GARIN2: variants seen among roughly 807,000 people sequenced by gnomAD.
GARIN2 encodes the protein golgi associated RAB2 interactor family member 2.
chr14:67,227,706 T>G, the GARIN2 span: 1 of 152,146 alleles, frequency 6.6e-6, no homozygotes, highest in African/African-American at 2.4e-5. Context: ...ACAGCACAGA[T>G]TAAGAACTTG....
At chr14:67,208,525 T>C in the GARIN2 span, 4 of 1,442,850 alleles carry the variant, frequency 2.8e-6, no homozygotes, top group East Asian at 7.0e-5. Flanking sequence ...TTTAGTCTCT[T>C]AACTCAGGCA....
chr14:67,217,371 A>G, the GARIN2 span, among the ~76,000 whole-genome samples: 8 of 152,292 alleles, frequency 5.3e-5, no homozygotes, highest in South Asian at 1.7e-3. Flanking sequence ...CAGCCAGTCT[A>G]TATCTTTTAA....
At chr14:67,200,362 A>G in the GARIN2 span, 1 of 630,288 alleles carries the variant, frequency 1.6e-6, no homozygotes, top group Admixed American at 3.2e-5. Flanking sequence ...ACATCTTCCC[A>G]ATATCTTTTC....
chr14:67,212,913 T>C, the GARIN2 span, among the ~76,000 whole-genome samples: 1 of 151,064 alleles, frequency 6.6e-6, no homozygotes, highest in East Asian at 1.9e-4. Context: ...ATTCAAAGTG[T>C]TGGTTCTTGG....
the GARIN2 span, among the ~76,000 whole-genome samples, chr14:67,196,360 G>A: frequency 3.7e-4 from 56 of 152,126 alleles, no homozygotes; most frequent in Non-Finnish European, 5.6e-4. Context: ...GGGATTACAG[G>A]CACCTGTCAC....
the GARIN2 span, chr14:67,204,993 C>T: frequency 7.0e-6 from 11 of 1,565,760 alleles, no homozygotes; most frequent in South Asian, 1.0e-4. Context: ...TCAGAGAAGC[C>T]ACGGAAGTCA....
At chr14:67,216,085 C>A in the GARIN2 span, among the ~76,000 whole-genome samples, 12 of 152,154 alleles carry the variant, frequency 7.9e-5, no homozygotes, top group African/African-American at 2.7e-4. Context: ...GTCCTCCTAC[C>A]AATCCCCCAT....
chr14:67,195,459 A>G, the GARIN2 span, among the ~76,000 whole-genome samples: 1 of 152,174 alleles, frequency 6.6e-6, no homozygotes, highest in Non-Finnish European at 1.5e-5. Context: ...TCGCTATCCC[A>G]GCAGCCATGT....
At chr14:67,214,643 A>C in the GARIN2 span, among the ~76,000 whole-genome samples, 2 of 151,988 alleles carry the variant, frequency 1.3e-5, no homozygotes, top group African/African-American at 2.4e-5. Flanking sequence ...TGACTTGGCG[A>C]TGCGGGCTCT....
the GARIN2 span, chr14:67,196,889 G>C: frequency 5.3e-5 from 8 of 152,092 alleles, no homozygotes; most frequent in Non-Finnish European, 7.4e-5. Context: ...ATAACAGTAA[G>C]GTTTAGAATT....
the GARIN2 span, chr14:67,200,104 A>G: frequency 2.0e-5 from 21 of 1,034,008 alleles, no homozygotes; most frequent in East Asian, 4.7e-4. Flanking sequence ...ACCTCCTCCA[A>G]TGGGCATGCC....
At chr14:67,226,871 G>T in the GARIN2 span, among the ~76,000 whole-genome samples, 1 of 152,066 alleles carries the variant, frequency 6.6e-6, no homozygotes, top group South Asian at 2.1e-4. Flanking sequence ...TTGTTGTATG[G>T]TGTGGAGACA....
At chr14:67,190,287 G>A in the GARIN2 span, among the ~76,000 whole-genome samples, 98 of 147,428 alleles carry the variant, frequency 6.6e-4, 1 homozygote, top group Middle Eastern at 3.6e-3. Context: ...GCAGTGGCAC[G>A]ATCTCGACCC....
chr14:67,201,334 A>G, the GARIN2 span: 2 of 369,014 alleles, frequency 5.4e-6, no homozygotes, highest in Admixed American at 3.7e-5. Flanking sequence ...AATTTAAAAG[A>G]GAGCAATTAT....
the GARIN2 span, chr14:67,224,092 T>G: frequency 2.6e-6 from 2 of 766,800 alleles, no homozygotes; most frequent in Non-Finnish European, 3.2e-6. Context: ...AATTCATCTC[T>G]CAAACCTCTC....
At chr14:67,225,972 CGCGTGCGCAT>C in the GARIN2 span, among the ~76,000 whole-genome samples, 2,392 of 107,048 alleles carry the variant, frequency 0.022, 18 homozygotes, top group Non-Finnish European at 0.033. Flanking sequence ...TGCGCGCGCG[CGCGTGCGCAT>C]GCGCGTGCAT....
the GARIN2 span, among the ~76,000 whole-genome samples, chr14:67,191,640 GA>G: frequency 6.6e-6 from 1 of 152,160 alleles, no homozygotes. Context: ...CCGTATCTAA[GA>G]ATAGTAGTTC....
the GARIN2 span, chr14:67,203,260 C>T: frequency 1.2e-6 from 2 of 1,604,210 alleles, no homozygotes; most frequent in East Asian, 2.2e-5. Flanking sequence ...AGTCTCCTGA[C>T]ATCTCCTCCT....
chr14:67,199,509 C>CT, the GARIN2 span: 8 of 1,612,848 alleles, frequency 5.0e-6, no homozygotes, highest in African/African-American at 2.7e-5. Flanking sequence ...ATTAATTTTG[C>CT]TTCATTTGAT....
Sources: gnomAD v4.1 joint callset for allele counts (sites outside exome capture counted in the v4.1 genomes callset) on GRCh38, gnomAD v4.1.1 for gene constraint, MANE v1.5 for transcripts, NCBI Gene and HGNC (gene_info 2026-07-23, HGNC 2026-07-21) for gene names.